LOC128092252: variants seen among roughly 807,000 people sequenced by gnomAD.
the LOC128092252 span, among the ~76,000 whole-genome samples, chr15:50,667,505 G>C: frequency 3.9e-5 from 6 of 152,152 alleles, no homozygotes; most frequent in Non-Finnish European, 1.5e-5. Flanking sequence ...CAGGAGTTTT[G>C]AGACCAGCCT....
the LOC128092252 span, among the ~76,000 whole-genome samples, chr15:50,675,770 T>C: frequency 1.3e-5 from 2 of 152,164 alleles, no homozygotes; most frequent in Non-Finnish European, 2.9e-5. Flanking sequence ...ATTCCTAAAT[T>C]TGTATGTTCC....
chr15:50,678,663 C>T, the LOC128092252 span, among the ~76,000 whole-genome samples: 1 of 151,890 alleles, frequency 6.6e-6, no homozygotes, highest in Non-Finnish European at 1.5e-5. Flanking sequence ...GATACGAACC[C>T]TATGAGAGTT....
chr15:50,654,229 T>C, the LOC128092252 span, among the ~76,000 whole-genome samples: 2 of 144,110 alleles, frequency 1.4e-5, no homozygotes, highest in Admixed American at 6.8e-5. Context: ...GCGGATCACC[T>C]GAGGTCAGGA....
chr15:50,658,571 C>CAA, the LOC128092252 span, among the ~76,000 whole-genome samples: 14 of 101,802 alleles, frequency 1.4e-4, no homozygotes, highest in Middle Eastern at 5.3e-3. Context: ...GAAACTGTCT[C>CAA]AAAAAAAAAA....
At chr15:50,665,493 T>G in the LOC128092252 span, among the ~76,000 whole-genome samples, 1 of 152,070 alleles carries the variant, frequency 6.6e-6, no homozygotes, top group East Asian at 1.9e-4. Context: ...CTGATCACAA[T>G]GCAATTAACA....
the LOC128092252 span, among the ~76,000 whole-genome samples, chr15:50,662,092 C>T: frequency 6.6e-6 from 1 of 152,092 alleles, no homozygotes; most frequent in African/African-American, 2.4e-5. Flanking sequence ...CGGTGGCTCA[C>T]GCCTGTAATC....
chr15:50,662,274 AC>A, the LOC128092252 span, among the ~76,000 whole-genome samples: 1 of 151,396 alleles, frequency 6.6e-6, no homozygotes, highest in East Asian at 1.9e-4. Flanking sequence ...AATGGCCTGA[AC>A]CCTGGAGGGA....
chr15:50,678,102 G>T, the LOC128092252 span, among the ~76,000 whole-genome samples: 2 of 151,694 alleles, frequency 1.3e-5, no homozygotes, highest in East Asian at 1.9e-4. Flanking sequence ...TCAGCCGGGC[G>T]TGGTGGTGGG....
chr15:50,680,561 A>T, the LOC128092252 span, among the ~76,000 whole-genome samples: 57 of 150,038 alleles, frequency 3.8e-4, no homozygotes, highest in African/African-American at 1.3e-3. Context: ...AGAGAGAGAC[A>T]CTTGTCTCAA....
At chr15:50,678,246 AAAAAAC>A in the LOC128092252 span, among the ~76,000 whole-genome samples, 2,233 of 141,972 alleles carry the variant, frequency 0.016, 108 homozygotes, top group African/African-American at 0.049. Flanking sequence ...TCTCAAAAAA[AAAAAAC>A]AAAAACAAAA....
At chr15:50,675,224 C>T in the LOC128092252 span, among the ~76,000 whole-genome samples, 6 of 151,922 alleles carry the variant, frequency 3.9e-5, no homozygotes, top group African/African-American at 1.5e-4. Context: ...GCACCTGTAA[C>T]CTCAGCTACT....
chr15:50,651,821 G>C, the LOC128092252 span, among the ~76,000 whole-genome samples: 4 of 151,710 alleles, frequency 2.6e-5, no homozygotes, highest in Admixed American at 2.6e-4. Context: ...CAGGAGGTGG[G>C]GGTTGCAGTG....
At chr15:50,682,820 C>T in the LOC128092252 span, among the ~76,000 whole-genome samples, 1 of 152,006 alleles carries the variant, frequency 6.6e-6, no homozygotes, top group Non-Finnish European at 1.5e-5. Context: ...ATAAATGACT[C>T]AGTTAAAATC....
At chr15:50,684,311 C>G in the LOC128092252 span, among the ~76,000 whole-genome samples, 1 of 151,942 alleles carries the variant, frequency 6.6e-6, no homozygotes, top group Non-Finnish European at 1.5e-5. Flanking sequence ...GATTACTGAT[C>G]AAGTCTTTAG....
the LOC128092252 span, among the ~76,000 whole-genome samples, chr15:50,665,810 C>T: frequency 6.6e-6 from 1 of 152,086 alleles, no homozygotes; most frequent in Non-Finnish European, 1.5e-5. Flanking sequence ...GCCTGACCAA[C>T]ATGGTGAAAA....
At chr15:50,662,034 A>G in the LOC128092252 span, among the ~76,000 whole-genome samples, 4 of 152,060 alleles carry the variant, frequency 2.6e-5, no homozygotes, top group East Asian at 1.9e-4. Context: ...CCTGGCCAAC[A>G]TAGTAAAACC....
chr15:50,656,442 T>TA, the LOC128092252 span, among the ~76,000 whole-genome samples: 1 of 152,000 alleles, frequency 6.6e-6, no homozygotes, highest in East Asian at 1.9e-4. Context: ...TTCAGCCTCT[T>TA]AAGTAGCTGG....
chr15:50,668,305 A>T, the LOC128092252 span, among the ~76,000 whole-genome samples: 2 of 152,206 alleles, frequency 1.3e-5, no homozygotes, highest in African/African-American at 4.8e-5. Flanking sequence ...TGTAAGACTC[A>T]TCTTTTTTAC....
At chr15:50,655,872 C>G in the LOC128092252 span, among the ~76,000 whole-genome samples, 1 of 152,040 alleles carries the variant, frequency 6.6e-6, no homozygotes, top group East Asian at 1.9e-4. Context: ...TGCCTGTAAT[C>G]CCAGCTTCTG....
Sources: gnomAD v4.1 joint callset for allele counts (sites outside exome capture counted in the v4.1 genomes callset) on GRCh38, gnomAD v4.1.1 for gene constraint, MANE v1.5 for transcripts.